TCF24: variants seen among roughly 807,000 people sequenced by gnomAD.
TCF24 encodes the protein transcription factor 24.
Under a neutral mutation model 9.3 loss-of-function variants are expected in TCF24, and 5 were observed. The observed-to-expected ratio is 0.54, with a 90% CI of 0.28 to 1.13. TCF24 has a LOEUF of 1.13. Ranked by LOEUF, TCF24 falls within the 50% of genes most tolerant of loss-of-function variation. The pLI, the probability that TCF24 is intolerant of heterozygous loss-of-function variation, is 0.09. For synonymous variants in TCF24, 110 were observed against 115.8 expected (o/e 0.95, Z 0.32); for missense variants, 220 against 236.1 (o/e 0.93, Z 0.45).
At chr8:66,957,619 G>A (rs1814181130) in intron 3 of TCF24, among the ~76,000 whole-genome samples, 1 of 151,956 alleles carries the variant, frequency 6.6e-6, no homozygotes, top group South Asian at 2.1e-4. Context: ...CCAGTCTGTG[G>A]TATTTTGTTA....
chr8:66,950,175 C>T (rs1432347857), intron 3 of TCF24, among the ~76,000 whole-genome samples: 1 of 148,888 alleles, frequency 6.7e-6, no homozygotes, highest in African/African-American at 2.5e-5. Flanking sequence ...ACATGAAGTC[C>T]TTGCCCATGC....
chr8:66,954,359 G>A (rs1814113760), intron 3 of TCF24, among the ~76,000 whole-genome samples: 2 of 151,682 alleles, frequency 1.3e-5, no homozygotes, highest in Non-Finnish European at 2.9e-5. Flanking sequence ...TGCCGTGTGA[G>A]GTGTCAGTGT....
In TCF24 at chr8:66,961,782, GC is replaced by G; in HGVS notation, c.-18del. The G allele has an allele frequency of 9.0e-7, 1 of 1,110,884 alleles. No homozygotes were observed. The allele number at this position is 1,110,884 out of a possible 1,614,324, so 68.8% of individuals were successfully genotyped here. Reference sequence around the variant, plus strand: ...GCGGTCCATGGCAGCTTCCCGCGCCGCGCGCGCTGCAAAGGACCGAAGGTGC... The same window carrying G: ...GCGGTCCATGGCAGCTTCCCGCGCCGGCGCGCTGCAAAGGACCGAAGGTGC... On this transcript the variant is annotated 5_prime_UTR_variant, in exon 3 of 4. Coordinates refer to ENST00000563496, the MANE Select transcript of TCF24 (RefSeq NM_001193502.2).
At chr8:66,956,312 T>G (rs1814151430) in intron 3 of TCF24, among the ~76,000 whole-genome samples, 1 of 152,098 alleles carries the variant, frequency 6.6e-6, no homozygotes, top group Non-Finnish European at 1.5e-5. Flanking sequence ...AGGTGTATCA[T>G]TGTCAGTGGT....
intron 3 of TCF24, among the ~76,000 whole-genome samples, chr8:66,956,825 C>T (rs1814161818): frequency 6.6e-6 from 1 of 152,028 alleles, no homozygotes; most frequent in Non-Finnish European, 1.5e-5. Context: ...AAGCTCTTAC[C>T]TCTAAGGTGA....
chr8:66,951,764 C>G (rs1367027303), intron 3 of TCF24, among the ~76,000 whole-genome samples: 1 of 152,098 alleles, frequency 6.6e-6, no homozygotes, highest in African/African-American at 2.4e-5. Context: ...TATTGCCACA[C>G]TTTCAGCTCC....
chr8:66,961,426 C>T lies in TCF24; in HGVS notation c.340G>A (p.Asp114Asn). 1 of 1,519,618 alleles carries T rather than the reference C, an allele frequency of 6.6e-7. No homozygotes were observed. The highest frequency in any genetic ancestry group is 8.8e-7 in the Non-Finnish European group (1 of 1,140,062). 94.1% of individuals were successfully genotyped at this position (1,519,618 alleles called of 1,614,324 possible). ...SLQDDAEAPADAGLGALRGDG... is the reference protein window; with the variant it reads ...SLQDDAEAPANAGLGALRGDG... ...CCGCGCAGGGCGCCCAACCCGGCGT[C>T]CGCCGGCGCCTCGGCGTCGTCCTGC... Residue 114 changes from aspartate to asparagine, a missense_variant, in exon 3 of 4, where the codon GAC becomes AAC. Transcript: ENST00000563496.
At chr8:66,949,013 G>A (rs565392917) in intron 3 of TCF24, among the ~76,000 whole-genome samples, 1 of 152,164 alleles carries the variant, frequency 6.6e-6, no homozygotes, top group East Asian at 1.9e-4. Context: ...ACGATATCTA[G>A]AAGTCATAAA....
In TCF24 at chr8:66,947,945, T is replaced by C. The variant is rs1409003571; in HGVS notation, c.*106A>G. The C allele has an allele frequency of 1.2e-6, 1 of 802,126 alleles. No individual in the cohort carries two copies. Among genetic ancestry groups the C allele is most frequent in the Non-Finnish European group, 1.9e-6 (1 of 536,784 alleles). The allele number at this position is 802,126 out of a possible 1,614,324, so 49.7% of individuals were successfully genotyped here. A position where few individuals can be genotyped will look rare whatever the true frequency, so the allele number is the denominator to read the frequency against. ...GAACATCCAACTATGGGTTCACATGTAAACTTTCAGAAATTTTGTTATGTC... is the reference window on the plus strand; with the variant it reads ...GAACATCCAACTATGGGTTCACATGCAAACTTTCAGAAATTTTGTTATGTC... On this transcript the variant is annotated 3_prime_UTR_variant, in exon 4 of 4. Transcript: ENST00000563496.
chr8:66,957,352 G>A (rs561107984), intron 3 of TCF24, among the ~76,000 whole-genome samples: 2 of 148,768 alleles, frequency 1.3e-5, no homozygotes, highest in African/African-American at 2.5e-5. Context: ...AGGAGGCGGA[G>A]GTTGCAGTGA....
chr8:66,955,821 C>A (rs1226487546), intron 3 of TCF24, among the ~76,000 whole-genome samples: 2 of 152,154 alleles, frequency 1.3e-5, no homozygotes, highest in African/African-American at 4.8e-5. Context: ...ACTGGGACTC[C>A]AAATGTAAAA....
chr8:66,951,788 T>A (rs1366277367), intron 3 of TCF24, among the ~76,000 whole-genome samples: 1 of 152,088 alleles, frequency 6.6e-6, no homozygotes, highest in East Asian at 1.9e-4. Context: ...TATTGGTCTA[T>A]TCAGAGATTC....
intron 3 of TCF24, among the ~76,000 whole-genome samples, chr8:66,957,418 A>C (rs1052859505): frequency 1.7e-3 from 1 of 606 alleles, no homozygotes; most frequent in Non-Finnish European, 6.1e-3. Flanking sequence ...ACTCCATATC[A>C]AAAAAAAAAA....
chr8:66,961,571 C>T lies in TCF24; in HGVS notation c.195G>A (p.Leu65=), dbSNP rs1284453269. 8 of 1,494,248 alleles carry T rather than the reference C, an allele frequency of 5.4e-6. No individual in the cohort carries two copies. The highest frequency in any genetic ancestry group is 1.3e-5 in the South Asian group (1 of 80,000). The allele number at this position is 1,494,248 out of a possible 1,614,324, so 92.6% of individuals were successfully genotyped here. The change falls in exon 3 of 4, where the codon CTG becomes CTA. Residue 65 remains leucine, a synonymous_variant. Coordinates refer to ENST00000563496, the MANE Select transcript of TCF24 (RefSeq NM_001193502.2). ...GCTGCAGCTCCAGGAAAGCGTGCCG[C>T]AGGGTCTGCACCCGGCTGCGCTCCC... ...AARERSRVQT[L]RHAFLELQRT...
At chr8:66,960,479 C>G (rs984129659) in intron 3 of TCF24, among the ~76,000 whole-genome samples, 4 of 151,738 alleles carry the variant, frequency 2.6e-5, no homozygotes, top group Non-Finnish European at 5.9e-5. Flanking sequence ...GGAGCCAAAA[C>G]TGAAAATTTA....
chr8:66,955,298 G>T (rs1472997360), intron 3 of TCF24, among the ~76,000 whole-genome samples: 1 of 151,894 alleles, frequency 6.6e-6, no homozygotes, highest in Non-Finnish European at 1.5e-5. Flanking sequence ...ACTCTTTTGG[G>T]AGGGAGGCAG....
At chr8:66,949,577 C>G (rs1205934778) in intron 3 of TCF24, among the ~76,000 whole-genome samples, 17 of 152,160 alleles carry the variant, frequency 1.1e-4, no homozygotes, top group African/African-American at 3.9e-4. Context: ...GTGTGCATGT[C>G]TCTTTATAGC....
chr8:66,950,062 T>C (rs1309838116), intron 3 of TCF24, among the ~76,000 whole-genome samples: 1 of 121,470 alleles, frequency 8.2e-6, no homozygotes. Context: ...AGGTTGCCTG[T>C]TCACTCTGAT....
At chr8:66,948,562 A>G (rs893686110) in intron 3 of TCF24, among the ~76,000 whole-genome samples, 1 of 152,238 alleles carries the variant, frequency 6.6e-6, no homozygotes, top group African/African-American at 2.4e-5. Flanking sequence ...CAATTTTAGT[A>G]TATGTGCTGC....
Sources: gnomAD v4.1 joint callset for allele counts (sites outside exome capture counted in the v4.1 genomes callset) on GRCh38, gnomAD v4.1.1 for gene constraint, MANE v1.5 for transcripts, NCBI Gene and HGNC (gene_info 2026-07-23, HGNC 2026-07-21) for gene names.